The following XKR9 variants were observed in gnomAD, a reference collection of about 807,000 sequenced individuals.
XKR9 encodes the protein XK related 9.
A neutral mutation model predicts 32.0 loss-of-function variants in XKR9; 32 were observed. The observed-to-expected ratio is 1.00, with a 90% CI of 0.76 to 1.34. The LOEUF is 1.34. Ranked by LOEUF, XKR9 falls within the 40% of genes most tolerant of loss-of-function variation. The probability of loss-of-function intolerance (pLI) is 0.00; values close to 1 mark genes in which losing one functional copy is unlikely to be tolerated. For missense variants in XKR9, 546 were observed against 429.7 expected, an observed-to-expected ratio of 1.27 and a Z score of -2.39; for synonymous variants, 168 against 143.4, an observed-to-expected ratio of 1.17 and a Z score of -1.22.
At chr8:71,056,715 A>G in the XKR9 span, among the ~76,000 whole-genome samples, 5 of 152,222 alleles carry the variant, frequency 3.3e-5, no homozygotes, top group African/African-American at 1.2e-4. Context: ...CTCTGTAACT[A>G]TTAGTTATTG....
At chr8:70,867,145 A>C in the XKR9 span, among the ~76,000 whole-genome samples, 1 of 152,194 alleles carries the variant, frequency 6.6e-6, no homozygotes, top group African/African-American at 2.4e-5. Context: ...AGGAGGAGCA[A>C]GTCACATCTT....
the XKR9 span, among the ~76,000 whole-genome samples, chr8:70,835,296 T>G: frequency 2.6e-5 from 4 of 152,106 alleles, no homozygotes; most frequent in Non-Finnish European, 5.9e-5. Context: ...ATAATTCAAA[T>G]AAAGCTCCTT....
At chr8:70,817,314 A>G in the XKR9 span, among the ~76,000 whole-genome samples, 6 of 152,198 alleles carry the variant, frequency 3.9e-5, no homozygotes, top group African/African-American at 1.2e-4. Context: ...AATTAGTAAC[A>G]TTTCTGTGCA....
At chr8:70,952,940 G>T in the XKR9 span, among the ~76,000 whole-genome samples, 33 of 152,236 alleles carry the variant, frequency 2.2e-4, no homozygotes, top group African/African-American at 7.7e-4. Flanking sequence ...TGACATCCAA[G>T]TATGTGATCA....
chr8:70,891,093 A>C, the XKR9 span, among the ~76,000 whole-genome samples: 1 of 151,942 alleles, frequency 6.6e-6, no homozygotes, highest in African/African-American at 2.4e-5. Context: ...AGTTATCTGG[A>C]ATAATCTCTA....
At chr8:70,974,491 T>A in the XKR9 span, among the ~76,000 whole-genome samples, 1 of 152,108 alleles carries the variant, frequency 6.6e-6, no homozygotes, top group African/African-American at 2.4e-5. Context: ...GAACATGCAG[T>A]GTTTGGTTTT....
the XKR9 span, among the ~76,000 whole-genome samples, chr8:70,842,661 A>G: frequency 6.6e-6 from 1 of 152,078 alleles, no homozygotes; most frequent in African/African-American, 2.4e-5. Context: ...CCTGGCTCTC[A>G]TTATCATTAA....
chr8:70,819,350 C>G, the XKR9 span, among the ~76,000 whole-genome samples: 14 of 152,156 alleles, frequency 9.2e-5, no homozygotes, highest in Non-Finnish European at 1.8e-4. Flanking sequence ...AGGAAAATTG[C>G]GTAAAAGAGA....
the XKR9 span, among the ~76,000 whole-genome samples, chr8:70,906,799 C>T: frequency 6.6e-6 from 1 of 151,986 alleles, no homozygotes; most frequent in Non-Finnish European, 1.5e-5. Flanking sequence ...AATGATGTGT[C>T]CTTTTCTACA....
the XKR9 span, among the ~76,000 whole-genome samples, chr8:70,819,024 A>G: frequency 1.3e-5 from 2 of 152,218 alleles, no homozygotes; most frequent in African/African-American, 4.8e-5. Flanking sequence ...GGTGCAGTCA[A>G]AGCTGGTTAA....
At chr8:70,841,529 T>C in the XKR9 span, among the ~76,000 whole-genome samples, 16 of 152,220 alleles carry the variant, frequency 1.1e-4, no homozygotes, top group African/African-American at 3.6e-4. Context: ...GCCTCATTGA[T>C]GTCCCTTATA....
intron 2 of XKR9, among the ~76,000 whole-genome samples, chr8:70,741,535 C>G (rs1264454345): frequency 1.3e-5 from 2 of 152,162 alleles, no homozygotes; most frequent in South Asian, 2.1e-4. Context: ...AGCATAATGT[C>G]TTTAAGCTTC....
At chr8:70,815,428 T>G in the XKR9 span, among the ~76,000 whole-genome samples, 1 of 152,140 alleles carries the variant, frequency 6.6e-6, no homozygotes, top group Non-Finnish European at 1.5e-5. Context: ...TGGTATTTGG[T>G]TTTTCTGTTC....
At chr8:70,850,772 G>A in the XKR9 span, among the ~76,000 whole-genome samples, 4 of 152,118 alleles carry the variant, frequency 2.6e-5, no homozygotes, top group African/African-American at 9.7e-5. Context: ...AGGTATTGAT[G>A]GAACGTATCT....
the XKR9 span, among the ~76,000 whole-genome samples, chr8:70,973,434 G>T: frequency 6.6e-6 from 1 of 151,618 alleles, no homozygotes. Flanking sequence ...TTTATCTTTT[G>T]TATTATTTTG....
At chr8:71,053,016 G>A in the XKR9 span, among the ~76,000 whole-genome samples, 1 of 152,192 alleles carries the variant, frequency 6.6e-6, no homozygotes, top group African/African-American at 2.4e-5. Context: ...GATAAATCAT[G>A]TGGGAGGGGT....
the XKR9 span, among the ~76,000 whole-genome samples, chr8:70,817,971 G>A: frequency 6.6e-6 from 1 of 152,094 alleles, no homozygotes; most frequent in African/African-American, 2.4e-5. Flanking sequence ...CTCAAGATGG[G>A]TTAAAGGTTT....
At chr8:70,702,124 T>C (rs1226817182) in intron 3 of XKR9, among the ~76,000 whole-genome samples, 1 of 152,162 alleles carries the variant, frequency 6.6e-6, no homozygotes, top group Non-Finnish European at 1.5e-5. Flanking sequence ...TACCTATTTT[T>C]CAATTTAAAA....
chr8:70,888,582 T>G, the XKR9 span, among the ~76,000 whole-genome samples: 1 of 152,088 alleles, frequency 6.6e-6, no homozygotes, highest in Non-Finnish European at 1.5e-5. Context: ...TTTTATAGTT[T>G]CAGGTATTTC....
Sources: allele counts gnomAD v4.1 joint callset (sites outside exome capture counted in the v4.1 genomes callset), GRCh38; gene constraint gnomAD v4.1.1; transcripts MANE v1.5; gene names NCBI Gene and HGNC (gene_info 2026-07-23, HGNC 2026-07-21).